DERA: variants seen among roughly 807,000 people sequenced by gnomAD.
DERA encodes deoxyribose-phosphate aldolase.
Under a neutral mutation model 41.1 loss-of-function variants are expected in DERA, and 15 were observed. That is an observed-to-expected ratio of 0.37 (90% CI 0.24 to 0.56). DERA has a LOEUF of 0.56. Ranked by LOEUF, DERA falls within the 20% of genes least tolerant of loss-of-function variation. The pLI is 0.81. For synonymous variants in DERA, 139 were observed against 137.4 expected (o/e 1.01, Z -0.08); for missense variants, 396 against 403.4 (o/e 0.98, Z 0.16).
Position 15,943,361 on chromosome 12 carries a change from C to T in DERA, c.32-13575C>T, listed in dbSNP as rs532070111. Among the ~76,000 whole-genome samples the T allele has an allele frequency of 2.6e-5, 4 of 152,302 alleles. No individual in the cohort carries two copies. The highest frequency in any genetic ancestry group is 9.6e-5 in the African/African-American group (4 of 41,576). Reference sequence around the variant, plus strand: ...CCTTTTAGTGATTTGGTACAGGCCACCACCTGCTCTTGCTTGAGCTTCCTA... The same window carrying T: ...CCTTTTAGTGATTTGGTACAGGCCATCACCTGCTCTTGCTTGAGCTTCCTA... On this transcript the variant is annotated intron_variant, in intron 1 of 8. Coordinates refer to ENST00000428559, the MANE Select transcript of DERA (RefSeq NM_015954.4). This position sits in a 1 kb window ranked among gnomAD's most constrained non-coding sequence, Gnocchi z 4.5.
At chr12:15,958,475 A>G (rs1948558206) in intron 3 of DERA, 140 bp downstream of exon 3, 1 of 502,976 alleles carries the variant, frequency 2.0e-6, no homozygotes, top group East Asian at 3.7e-5. Context: ...ATACATAGAC[A>G]GATTCTTCTC....
rs938858675 is a variant in DERA at position 15,967,787 on chromosome 12, C to T, written c.508+4840C>T. Among the ~76,000 whole-genome samples, 5 of 152,340 alleles carry T rather than the reference C, an allele frequency of 3.3e-5. No individual in the cohort carries two copies. The highest frequency in any genetic ancestry group is 3.3e-4 in the Admixed American group (5 of 15,306). Reference sequence around the variant, plus strand: ...ACTCCTGTCTAGCTGGACATGGAAACGTGGATAACTACATTTCTCACTTAC... The same window carrying T: ...ACTCCTGTCTAGCTGGACATGGAAATGTGGATAACTACATTTCTCACTTAC... On this transcript the variant is annotated intron_variant, in intron 5 of 8. Coordinates refer to ENST00000428559, the MANE Select transcript of DERA (RefSeq NM_015954.4). This position sits in a 1 kb window ranked among gnomAD's most constrained non-coding sequence, Gnocchi z 4.9.
At chr12:15,960,433 TAC>T (rs1948576613) in intron 4 of DERA, among the ~76,000 whole-genome samples, 1 of 150,338 alleles carries the variant, frequency 6.7e-6, no homozygotes, top group Admixed American at 6.6e-5. Flanking sequence ...AGGTCAGGAG[TAC>T]GAGACCAGCC....
At chr12:15,950,772 C>T (rs1565593201) in intron 1 of DERA, among the ~76,000 whole-genome samples, 1 of 152,160 alleles carries the variant, frequency 6.6e-6, no homozygotes, top group South Asian at 2.1e-4. Context: ...TTCATTGTAG[C>T]TCAGATGTAT....
Position 16,010,613 on chromosome 12 carries a change from G to C in DERA, c.638-21929G>C, listed in dbSNP as rs933010276. ...GAGACAGAATTTTAATGTGAAAATT[G>C]TTTATGAACAGAAGGAGAGAGGCTG... On this transcript the variant is annotated intron_variant, in intron 6 of 8. Transcript: ENST00000428559. This position sits in a 1 kb window ranked among gnomAD's most constrained non-coding sequence, Gnocchi z 5.5. Among the ~76,000 whole-genome samples the C allele has an allele frequency of 1.3e-5, 2 of 151,998 alleles. No homozygotes were observed. Among genetic ancestry groups the C allele is most frequent in the South Asian group, 2.1e-4 (1 of 4,818 alleles).
rs765662469 is a variant in DERA at position 15,941,936 on chromosome 12, G to A, written c.32-15000G>A. On this transcript the variant is annotated intron_variant, in intron 1 of 8. Coordinates refer to ENST00000428559, the MANE Select transcript of DERA (RefSeq NM_015954.4). This position sits in a 1 kb window ranked among gnomAD's most constrained non-coding sequence, Gnocchi z 4.5. ...ATGGTAAGTTCTTTAAGGAATCCCCGTACTGTTTTCTGTAGTGGTTGTACT... is the reference window on the plus strand; with the variant it reads ...ATGGTAAGTTCTTTAAGGAATCCCCATACTGTTTTCTGTAGTGGTTGTACT... Among the ~76,000 whole-genome samples the A allele has an allele frequency of 3.9e-5, 6 of 152,252 alleles. No homozygotes were observed. The highest frequency in any genetic ancestry group is 2.1e-4 in the South Asian group (1 of 4,828).
Position 15,948,485 on chromosome 12 carries a change from C to T in DERA, c.32-8451C>T, listed in dbSNP as rs958119529. ...ATTGATACCCTTTCTTCCAGTTGAT[C>T]GAATCAGCTACTGAAGCTTGTGTAT... On this transcript the variant is annotated intron_variant, in intron 1 of 8. Coordinates refer to ENST00000428559, the MANE Select transcript of DERA (RefSeq NM_015954.4). Among the ~76,000 whole-genome samples, 6 of 152,134 alleles carry T rather than the reference C, an allele frequency of 3.9e-5. 1 individual carries two copies. Among genetic ancestry groups the T allele is most frequent in the Admixed American group, 1.3e-4 (2 of 15,272 alleles).
rs1398231570 is a variant in DERA at position 15,985,162 on chromosome 12, GT to G, written c.637+2727del. The G allele has an allele frequency of 6.6e-6, 1 of 152,288 alleles. No individual in the cohort carries two copies. The highest frequency in any genetic ancestry group is 2.4e-5 in the African/African-American group (1 of 41,428). The allele number at this position is 152,288 out of a possible 1,614,324, so 9.4% of individuals were successfully genotyped here. A position where few individuals can be genotyped will look rare whatever the true frequency, so the allele number is the denominator to read the frequency against. ...GTCGCCTCCACTCAGCTCACCTGCT[GT>G]CCCCGCTGCAACCACTTTTCTACTT... is the stretch of plus-strand genomic sequence containing the variant. On this transcript the variant is annotated intron_variant, in intron 6 of 8. Transcript: ENST00000428559. This position sits in a 1 kb window ranked among gnomAD's most constrained non-coding sequence, Gnocchi z 4.2.
intron 5 of DERA, among the ~76,000 whole-genome samples, chr12:15,975,878 C>A (rs951710329): frequency 4.6e-5 from 7 of 152,332 alleles, no homozygotes; most frequent in African/African-American, 1.7e-4. Flanking sequence ...TCAGTCATTT[C>A]TCCAAGGAGC....
At chr12:15,955,977 T>G (rs1592017622) in intron 1 of DERA, among the ~76,000 whole-genome samples, 1 of 152,222 alleles carries the variant, frequency 6.6e-6, no homozygotes, top group Admixed American at 6.5e-5. Flanking sequence ...GTAAATAATG[T>G]TCATGTCCGA....
chr12:16,019,929 TC>T lies in DERA; in HGVS notation c.638-12610del, dbSNP rs1239986646. ...TCCTTCATGAATGGCTTTAGCACCA[TC>T]CCTTTTGGTGATGAGTGATTTCTTG... On this transcript the variant is annotated intron_variant, in intron 6 of 8. Transcript: ENST00000428559. This position sits in a 1 kb window ranked among gnomAD's most constrained non-coding sequence, Gnocchi z 4.4. Among the ~76,000 whole-genome samples the T allele has an allele frequency of 6.6e-6, 1 of 152,154 alleles. No individual in the cohort carries two copies. The highest frequency in any genetic ancestry group is 1.5e-5 in the Non-Finnish European group (1 of 68,040).
At position 16,009,729 on chromosome 12, in the gene DERA, G is replaced by A. The variant is rs1948935325; in HGVS notation, c.638-22813G>A. 6.6e-6 allele frequency among the ~76,000 whole-genome samples: 1 copy of A among 152,062 alleles called. No individual in the cohort carries two copies. Among genetic ancestry groups the A allele is most frequent in the Non-Finnish European group, 1.5e-5 (1 of 68,028 alleles). On this transcript the variant is annotated intron_variant, in intron 6 of 8. Coordinates refer to ENST00000428559, the MANE Select transcript of DERA (RefSeq NM_015954.4). The surrounding 1 kb of genome is among the most constrained non-coding windows in gnomAD (Gnocchi z 5.3). ...TTAATAACCTTCCTGAAATACATGG[G>A]AGAAATTATATCTACAATGTAGAAG...
intron 1 of DERA, chr12:15,916,421 C>A: frequency 6.9e-6 from 1 of 145,724 alleles, no homozygotes; most frequent in East Asian, 2.0e-4. Context: ...GCCTCAGCTT[C>A]TAGGTTTAAA....
Position 15,966,755 on chromosome 12 carries a change from T to C in DERA, c.508+3808T>C, listed in dbSNP as rs935190347. On this transcript the variant is annotated intron_variant, in intron 5 of 8. Transcript: ENST00000428559. This position sits in a 1 kb window ranked among gnomAD's most constrained non-coding sequence, Gnocchi z 5.1. ...TCCTCTGTCATCCCTGAAGTGTCCATGTTTCTCAGAATCTGAGAACTGTGG... is the reference window on the plus strand; with the variant it reads ...TCCTCTGTCATCCCTGAAGTGTCCACGTTTCTCAGAATCTGAGAACTGTGG... 6.6e-6 allele frequency among the ~76,000 whole-genome samples: 1 copy of C among 152,228 alleles called. No individual in the cohort carries two copies. Among genetic ancestry groups the C allele is most frequent in the Middle Eastern group, 3.4e-3 (1 of 294 alleles).
chr12:15,991,722 T>C (rs534498595), intron 6 of DERA, among the ~76,000 whole-genome samples: 50 of 152,288 alleles, frequency 3.3e-4, no homozygotes, highest in Non-Finnish European at 6.0e-4. Context: ...TATGCACATT[T>C]ACATTTAATC....
In DERA at chr12:16,007,271, C is replaced by T. The variant is rs1055141959; in HGVS notation, c.637+24835C>T. Among the ~76,000 whole-genome samples, 12 of 151,576 alleles carry T rather than the reference C, an allele frequency of 7.9e-5. No individual in the cohort carries two copies. The East Asian group carries it at 9.7e-4, about 12-fold the overall frequency. On this transcript the variant is annotated intron_variant, in intron 6 of 8. Coordinates refer to ENST00000428559, the MANE Select transcript of DERA (RefSeq NM_015954.4). ...CGATCTTGGCTCACTGCAACCTCCGCCTCCGGGGTTCAAGTGATTCTTGTG... is the reference window on the plus strand; with the variant it reads ...CGATCTTGGCTCACTGCAACCTCCGTCTCCGGGGTTCAAGTGATTCTTGTG...
intron 1 of DERA, among the ~76,000 whole-genome samples, chr12:15,927,992 C>G (rs1376497782): frequency 6.6e-6 from 1 of 151,822 alleles, no homozygotes; most frequent in Admixed American, 6.6e-5. Flanking sequence ...GTTCTTGGCT[C>G]AAAAATAGTT....
chr12:16,008,238 T>C lies in DERA; in HGVS notation c.638-24304T>C, dbSNP rs1948925764. Among the ~76,000 whole-genome samples, 2 of 152,232 alleles carry C rather than the reference T, an allele frequency of 1.3e-5. No homozygotes were observed. The highest frequency in any genetic ancestry group is 4.1e-4 in the South Asian group (2 of 4,834). ...ATGCTTCATTCGCTAATGCCTCAGA[T>C]GGTTGTTTCTCAAACAGGAATCCTA... On this transcript the variant is annotated intron_variant, in intron 6 of 8. Coordinates refer to ENST00000428559, the MANE Select transcript of DERA (RefSeq NM_015954.4). The surrounding 1 kb of genome is among the most constrained non-coding windows in gnomAD (Gnocchi z 4.8).
In DERA at chr12:15,988,792, G is replaced by A. The variant is rs1034597299; in HGVS notation, c.637+6356G>A. ...CCACCACCATCATCATGTTGTCCAC[G>A]GCACCCAGGCTATTCACACTGAGGG... On this transcript the variant is annotated intron_variant, in intron 6 of 8. Transcript: ENST00000428559. The surrounding 1 kb of genome is among the most constrained non-coding windows in gnomAD (Gnocchi z 6.0). Among the ~76,000 whole-genome samples the A allele has an allele frequency of 3.9e-5, 6 of 152,108 alleles. No homozygotes were observed. The highest frequency in any genetic ancestry group is 7.2e-5 in the African/African-American group (3 of 41,418).
Sources: gnomAD v4.1 joint callset for allele counts (sites outside exome capture counted in the v4.1 genomes callset) on GRCh38, gnomAD v4.1.1 for gene constraint, Gnocchi (gnomAD v3.1) non-coding constraint, MANE v1.5 for transcripts, NCBI Gene and HGNC (gene_info 2026-07-23, HGNC 2026-07-21) for gene names.